Variants in FNDC7 observed in about 807,000 individuals in gnomAD.
FNDC7 encodes fibronectin type III domain containing 7.
Under a neutral mutation model 74.2 loss-of-function variants are expected in FNDC7, and 66 were observed. That is an observed-to-expected ratio of 0.89 (90% CI 0.73 to 1.09). The LOEUF is 1.09. Ranked by LOEUF, FNDC7 falls within the 50% of genes least tolerant of loss-of-function variation. The pLI is 0.00. For synonymous variants in FNDC7, 307 were observed against 330.2 expected, an observed-to-expected ratio of 0.93 and a Z score of 0.76; for missense variants, 829 against 893.4, an observed-to-expected ratio of 0.93 and a Z score of 0.92.
At position 108,733,472 on chromosome 1, in the gene FNDC7, G is replaced by T. The variant is rs375047848; in HGVS notation, c.2080G>T (p.Val694Phe). ...CTGTGGGGATGTATACACTGTGATG[G>T]TCTCACCAGTTGCTAAAACAGGATT... is the stretch of plus-strand genomic sequence containing the variant. ...IPCGDVYTVM[V>F]SPVAKTGLKL... Residue 694 changes from valine to phenylalanine, a missense_variant, in exon 10 of 13, where the codon GTC becomes TTC. By Grantham distance (50) the Val-to-Phe change is conservative. Transcript: ENST00000370017. 78 of 1,613,954 alleles carry T rather than the reference G, an allele frequency of 4.8e-5. No individual in the cohort carries two copies. The highest frequency in any genetic ancestry group is 1.7e-6 in the Non-Finnish European group (2 of 1,180,014).
chr1:108,730,896 C>T lies in FNDC7; in HGVS notation c.1847C>T (p.Thr616Ile). Residue 616 changes from threonine (T) to isoleucine (I), a missense_variant, in exon 9 of 13, where the codon ACT (threonine) becomes ATT (isoleucine). Coordinates refer to ENST00000370017, the MANE Select transcript of FNDC7 (RefSeq NM_001144937.3). ...TLKAISATGL[T>I]ADCSYQSYFS... ...AAAGCAATTAGTGCCACCGGGTTGA[C>T]TGCAGATTGCTCCTACCAAAGTTAT... The T allele has an allele frequency of 6.2e-7, 1 of 1,613,082 alleles. No individual in the cohort carries two copies. The highest frequency in any genetic ancestry group is 1.1e-5 in the South Asian group (1 of 90,898).
Position 108,737,513 on chromosome 1 carries a change from C to T in FNDC7, c.2159C>T (p.Thr720Ile), listed in dbSNP as rs79904233. ...KIYSVTCSGS[T>I]LGMVIYRGKR... ...ATTACAGTAACTTGCTCTGGAAGTA[C>T]ACTTGGAATGGGTAAGTCATTTTTC... is the stretch of plus-strand genomic sequence containing the variant. The change falls in exon 11 of 13, where the codon ACA becomes ATA. Residue 720 changes from threonine to isoleucine, a missense_variant. Physicochemically the swap from Thr to Ile is moderately conservative, Grantham distance 89. Coordinates refer to ENST00000370017, the MANE Select transcript of FNDC7 (RefSeq NM_001144937.3). 2,865 of 1,591,812 alleles carry T rather than the reference C, an allele frequency of 1.8e-3. 40 individuals are homozygous for T. In the African/African-American group the frequency reaches 0.035, roughly 19 times the overall value.
chr1:108,735,997 A>G (rs1209498753), intron 10 of FNDC7, among the ~76,000 whole-genome samples: 1 of 151,788 alleles, frequency 6.6e-6, no homozygotes, highest in East Asian at 1.9e-4. Context: ...TTGTAGAGAC[A>G]AGGTCTTGCT....
Position 108,722,514 on chromosome 1 carries a change from A to T in FNDC7, c.778A>T (p.Thr260Ser). 1 of 1,614,236 alleles carries T rather than the reference A, an allele frequency of 6.2e-7. No individual in the cohort carries two copies. Among genetic ancestry groups the T allele is most frequent in the Middle Eastern group, 1.6e-4 (1 of 6,062 alleles). The change falls in exon 5 of 13, where the codon ACT (threonine) becomes TCT (serine). Residue 260 changes from threonine to serine, a missense_variant. Transcript: ENST00000370017. ...SCTISSLQCG[T>S]EYLISVLASN... ...CACCATCTCTTCCCTCCAGTGTGGA[A>T]CTGAATACTTGATTTCAGTTTTAGC...
intron 6 of FNDC7, among the ~76,000 whole-genome samples, chr1:108,726,881 G>A (rs925431166): frequency 5.9e-5 from 9 of 152,186 alleles, no homozygotes; most frequent in Non-Finnish European, 1.2e-4. Flanking sequence ...AGAGGCTATC[G>A]ATAAGGTCCC....
Position 108,730,975 on chromosome 1 carries a change from TC to T in FNDC7, c.1879+48del, listed in dbSNP as rs762235202. The T allele has an allele frequency of 1.1e-5, 17 of 1,556,612 alleles. No individual in the cohort carries two copies. In the Admixed American group the frequency reaches 3.0e-4, roughly 27 times the overall value. ...AGTAGCAGTAAGGACTTGACTATTATCAATCCAGGCATGAGCCTTTCCTCCT... is the reference window on the plus strand; with the variant it reads ...AGTAGCAGTAAGGACTTGACTATTATAATCCAGGCATGAGCCTTTCCTCCT... On this transcript the variant is annotated intron_variant, in intron 9 of 12. Transcript: ENST00000370017.
chr1:108,730,393 C>A (rs1173113475), intron 8 of FNDC7, among the ~76,000 whole-genome samples: 2 of 144,988 alleles, frequency 1.4e-5, no homozygotes, highest in Non-Finnish European at 1.5e-5. Context: ...AAGATGGGGG[C>A]AACAAAGGAT....
At chr1:108,722,678 T>A (rs1661120639) in intron 5 of FNDC7, 86 bp downstream of exon 5, 10 of 1,400,948 alleles carry the variant, frequency 7.1e-6, no homozygotes, top group Non-Finnish European at 9.5e-6. Context: ...TTCTGAATAC[T>A]CTGGAAAAAA....
rs1247421082 is a variant in FNDC7, at chr1:108,725,938, A to G, written c.1045A>G (p.Ile349Val). 6.2e-7 allele frequency: 1 copy of G among 1,613,986 alleles called. No individual in the cohort carries two copies. Among genetic ancestry groups the G allele is most frequent in the Admixed American group, 1.7e-5 (1 of 59,994 alleles). The change falls in exon 6 of 13, where the codon ATT becomes GTT. Residue 349 changes from isoleucine to valine, a missense_variant. Physicochemically the swap from Ile to Val is conservative, Grantham distance 29. Transcript: ENST00000370017. ...ATCTGAGTGTGGCTTCACTTATTTT[A>G]TTAGTGTTTTTGTCTATAACAAGGC... is the stretch of plus-strand genomic sequence containing the variant. ...FLSECGFTYF[I>V]SVFVYNKAGQ... is the part of the protein sequence containing the mutation.
At chr1:108,738,137 G>A (rs1661557834) in intron 11 of FNDC7, among the ~76,000 whole-genome samples, 1 of 152,220 alleles carries the variant, frequency 6.6e-6, no homozygotes, top group South Asian at 2.1e-4. Context: ...TGCCGAGGCT[G>A]CTGGTCTGAC....
At chr1:108,722,119 T>C (rs150177118) in intron 4 of FNDC7, among the ~76,000 whole-genome samples, 15 of 152,278 alleles carry the variant, frequency 9.9e-5, no homozygotes, top group Admixed American at 4.6e-4. Context: ...GTAAATAATA[T>C]GGGGTCAAGG....
intron 8 of FNDC7, among the ~76,000 whole-genome samples, chr1:108,730,321 C>T (rs548423626): frequency 2.9e-4 from 43 of 149,632 alleles, no homozygotes; most frequent in Non-Finnish European, 5.2e-4. Context: ...AGGTTGACTG[C>T]ACTCCAGCCT....
chr1:108,733,649 C>CATTTTTTTTTTTTTTTTTT lies in FNDC7; in HGVS notation c.2140+117_2140+118insATTTTTTTTTTTTTTTTTT, dbSNP rs1160919720. The CATTTTTTTTTTTTTTTTTT allele has an allele frequency of 5.2e-6, 3 of 575,148 alleles. 1 individual carries two copies. Among genetic ancestry groups the CATTTTTTTTTTTTTTTTTT allele is most frequent in the Non-Finnish European group, 5.2e-6 (2 of 387,174 alleles). 35.6% of individuals were successfully genotyped at this position (575,148 alleles called of 1,614,324 possible). A position where few individuals can be genotyped will look rare whatever the true frequency, so the allele number is the denominator to read the frequency against. On this transcript the variant is annotated intron_variant, in intron 10 of 12. Transcript: ENST00000370017. The stretch of plus-strand genomic sequence containing the variant: ...GGCACAGAGGGTATAAAATTTCTTT[C>CATTTTTTTTTTTTTTTTTT]TTTTTTTTTTTTTTTTTTTTTGAGA...
Position 108,741,809 on chromosome 1 carries a change from G to A in FNDC7, c.*5G>A, listed in dbSNP as rs1010546779. On this transcript the variant is annotated 3_prime_UTR_variant, in exon 12 of 13. Transcript: ENST00000370017. ...GGGAAGAGAAATGAAGAATGACAAA[G>A]TGAGCCCCAGATAAAAACAAAAACT... 10 of 1,613,628 alleles carry A rather than the reference G, an allele frequency of 6.2e-6. No homozygotes were observed. Among genetic ancestry groups the A allele is most frequent in the South Asian group, 5.5e-5 (5 of 90,980 alleles).
At chr1:108,731,222 G>A (rs532924847) in intron 9 of FNDC7, among the ~76,000 whole-genome samples, 8 of 152,290 alleles carry the variant, frequency 5.3e-5, no homozygotes, top group Admixed American at 6.5e-5. Flanking sequence ...GAGTAACGTA[G>A]CCTGGCAGAG....
intron 6 of FNDC7, 80 bp downstream of exon 6, chr1:108,726,084 TTGACTTACCACC>T: frequency 6.6e-7 from 1 of 1,509,346 alleles, no homozygotes; most frequent in Non-Finnish European, 9.1e-7. Flanking sequence ...ATTCCACTTA[TTGACTTACCACC>T]TGGGAGTCAT....
In FNDC7 at chr1:108,714,893, G is replaced by A. The variant is rs149271354; in HGVS notation, c.82+1364G>A. ...CAAGCGTGAGCCACCGCGCCCGGCC[G>A]GCTTCTTAAATAAGTCGACTTTGGG... On this transcript the variant is annotated intron_variant, in intron 2 of 12. Coordinates refer to ENST00000370017, the MANE Select transcript of FNDC7 (RefSeq NM_001144937.3). Among the ~76,000 whole-genome samples, 1,173 of 151,990 alleles carry A rather than the reference G, an allele frequency of 7.7e-3. 7 individuals are homozygous for A. Among genetic ancestry groups the A allele is most frequent in the Middle Eastern group, 0.01 (3 of 294 alleles).
rs115215032 is a variant in FNDC7 at position 108,719,340 on chromosome 1, T to C, written c.598+291T>C. ...TTCGACCTCACACAAAAGAAGATGA[T>C]TCTTGTTAAGTTTACCCATCACCCC... On this transcript the variant is annotated intron_variant, in intron 4 of 12. Coordinates refer to ENST00000370017, the MANE Select transcript of FNDC7 (RefSeq NM_001144937.3). Among the ~76,000 whole-genome samples, 1,055 of 152,312 alleles carry C rather than the reference T, an allele frequency of 6.9e-3. 13 individuals carry two copies. Among genetic ancestry groups the C allele is most frequent in the African/African-American group, 0.024 (1,005 of 41,566 alleles).
At chr1:108,733,647 T>TTA in intron 10 of FNDC7, 115 bp downstream of exon 10, 21 of 949,490 alleles carry the variant, frequency 2.2e-5, no homozygotes, top group South Asian at 3.7e-5. Context: ...TAAAATTTCT[T>TTA]TCTTTTTTTT....
Sources: allele counts gnomAD v4.1 joint callset (sites outside exome capture counted in the v4.1 genomes callset), GRCh38; gene constraint gnomAD v4.1.1; transcripts MANE v1.5; gene names NCBI Gene and HGNC (gene_info 2026-07-23, HGNC 2026-07-21).